The following ABLIM1 variants were observed in gnomAD, a reference collection of about 807,000 sequenced individuals.
The protein encoded by ABLIM1 is actin-binding LIM protein 1.
Under a neutral mutation model 107.0 loss-of-function variants are expected in ABLIM1, and 40 were observed. The ratio of observed to expected loss-of-function variants is 0.37; its 90% CI spans 0.29 to 0.49. The LOEUF (loss-of-function observed/expected upper bound fraction) is 0.49, where lower values mean the gene tolerates loss of function less well. Ranked by LOEUF, ABLIM1 falls within the 20% of genes least tolerant of loss-of-function variation. The probability of loss-of-function intolerance (pLI) is 0.97; values close to 1 mark genes in which losing one functional copy is unlikely to be tolerated. For synonymous variants in ABLIM1, 357 were observed against 357.3 expected, an observed-to-expected ratio of 1.00 and a Z score of 0.01; for missense variants, 857 against 1,008.5, an observed-to-expected ratio of 0.85 and a Z score of 2.04.
intron 4 of ABLIM1, among the ~76,000 whole-genome samples, chr10:114,554,404 T>C (rs1245670532): frequency 6.6e-6 from 1 of 152,202 alleles, no homozygotes; most frequent in Non-Finnish European, 1.5e-5. Flanking sequence ...TAATCTAAGA[T>C]ATCATCAGAC....
Position 114,453,287 on chromosome 10 carries a change from A to G in ABLIM1, c.1546+92T>C, listed in dbSNP as rs1029751333. ...GGTTTGTTAACTGTGCATCCCAATTAAAAGAGCATGAGAGATGAGACAAGA... is the reference window on the plus strand; with the variant it reads ...GGTTTGTTAACTGTGCATCCCAATTGAAAGAGCATGAGAGATGAGACAAGA... On this transcript the variant is annotated intron_variant, in intron 13 of 22. Transcript: ENST00000533213. The G allele has an allele frequency of 1.4e-5, 19 of 1,380,024 alleles. No individual in the cohort carries two copies. The African/African-American group carries it at 2.6e-4, about 19-fold the overall frequency. 85.5% of individuals were successfully genotyped at this position (1,380,024 alleles called of 1,614,324 possible).
chr10:114,516,447 T>G (rs1214425634), intron 6 of ABLIM1, among the ~76,000 whole-genome samples: 1 of 151,940 alleles, frequency 6.6e-6, no homozygotes, highest in Non-Finnish European at 1.5e-5. Context: ...CAGCTTGAAC[T>G]GGGGAGACAG....
At chr10:114,786,701 TG>T in the ABLIM1 span, among the ~76,000 whole-genome samples, 1 of 152,202 alleles carries the variant, frequency 6.6e-6, no homozygotes, top group South Asian at 2.1e-4. Context: ...GAAATCTGGT[TG>T]GCCAGGCTGG....
chr10:114,758,355 G>A (rs1303100454), intron 1 of ABLIM1, among the ~76,000 whole-genome samples: 1 of 152,070 alleles, frequency 6.6e-6, no homozygotes, highest in Non-Finnish European at 1.5e-5. Flanking sequence ...AAAATAAGTA[G>A]TCACAAGGAA....
intron 2 of ABLIM1, among the ~76,000 whole-genome samples, chr10:114,583,468 CATATATATATATATATATATATAT>C (rs140129654): frequency 0.01 from 158 of 15,072 alleles, 16 homozygotes; most frequent in Admixed American, 0.014. Flanking sequence ...CACACACACA[CATATATATATATATATATATATAT>C]ATATATATAT....
intron 1 of ABLIM1, among the ~76,000 whole-genome samples, chr10:114,644,720 T>C (rs2078938127): frequency 6.6e-6 from 1 of 152,172 alleles, no homozygotes; most frequent in Admixed American, 6.5e-5. Flanking sequence ...TTTTTACTCC[T>C]AAGAATCTGA....
rs144146814 is a variant in ABLIM1, at chr10:114,547,667, G to A, written c.783C>T (p.Thr261=). The change falls in exon 5 of 23, where the codon ACC becomes ACT. Residue 261 remains threonine (T), a synonymous_variant. Transcript: ENST00000533213. The part of the protein sequence containing the change: ...FKCKSCGKVL[T]GEYISKDGAP... ...AGCCTTACTTGCTGATGTACTCCCC[G>A]GTGAGGACCTTCCCGCAGGACTTGC... The A allele has an allele frequency of 5.0e-5, 80 of 1,613,628 alleles. No homozygotes were observed. Among genetic ancestry groups the A allele is most frequent in the African/African-American group, 1.6e-4 (12 of 74,934 alleles).
chr10:114,440,384 C>G (rs180850019), intron 19 of ABLIM1, among the ~76,000 whole-genome samples: 51 of 152,258 alleles, frequency 3.3e-4, no homozygotes, highest in African/African-American at 1.1e-3. Context: ...TCACACAGAC[C>G]TTCTTTCTGC....
At chr10:114,512,950 C>T (rs1462055678) in intron 6 of ABLIM1, among the ~76,000 whole-genome samples, 1 of 151,610 alleles carries the variant, frequency 6.6e-6, no homozygotes, top group Non-Finnish European at 1.5e-5. Flanking sequence ...GCAAGCAAGC[C>T]GAATTTTGCT....
intron 12 of ABLIM1, among the ~76,000 whole-genome samples, chr10:114,455,961 C>T (rs1413342295): frequency 6.6e-6 from 1 of 152,122 alleles, no homozygotes; most frequent in Admixed American, 6.5e-5. Flanking sequence ...TACAGGCGCC[C>T]GCCACCGCGC....
intron 6 of ABLIM1, among the ~76,000 whole-genome samples, chr10:114,495,998 A>C (rs1413712281): frequency 1.3e-5 from 2 of 152,238 alleles, no homozygotes; most frequent in East Asian, 3.8e-4. Flanking sequence ...GACACATTGC[A>C]CAAAGTAATA....
chr10:114,789,787 ATTTG>A, the ABLIM1 span, among the ~76,000 whole-genome samples: 2 of 141,904 alleles, frequency 1.4e-5, no homozygotes, highest in Non-Finnish European at 1.5e-5. Flanking sequence ...TTGCATGTAT[ATTTG>A]TTTTTTTTTT....
At position 114,441,030 on chromosome 10, in the gene ABLIM1, G is replaced by A. The variant is rs752793744; in HGVS notation, c.2046C>T (p.Ser682=). Residue 682 remains serine, a synonymous_variant, in exon 19 of 23, where the codon AGC becomes AGT. Coordinates refer to ENST00000533213, the MANE Select transcript of ABLIM1 (RefSeq NM_002313.7). ...TGGGAGCCTCACCTCGCACTCCCCC[G>A]CTGACATCCCCATAGCTGTTATACT... The part of the protein sequence containing the change: ...FAQYNSYGDV[S]GGVRDYQTLP... 10 of 1,590,030 alleles carry A rather than the reference G, an allele frequency of 6.3e-6. No individual in the cohort carries two copies. The highest frequency in any genetic ancestry group is 1.1e-5 in the South Asian group (1 of 87,100).
intron 1 of ABLIM1, among the ~76,000 whole-genome samples, chr10:114,645,981 A>G (rs1323735731): frequency 6.6e-6 from 1 of 152,218 alleles, no homozygotes; most frequent in Admixed American, 6.5e-5. Context: ...CAATTCAACC[A>G]AAGATTGTGC....
chr10:114,563,594 G>A (rs917748960), intron 4 of ABLIM1, among the ~76,000 whole-genome samples: 2 of 151,934 alleles, frequency 1.3e-5, no homozygotes, highest in African/African-American at 2.4e-5. Context: ...CAGCACTTTG[G>A]GAAGCTGAGG....
chr10:114,642,012 A>G (rs1170371019), intron 1 of ABLIM1, among the ~76,000 whole-genome samples: 1 of 152,048 alleles, frequency 6.6e-6, no homozygotes, highest in Non-Finnish European at 1.5e-5. Context: ...CCTCCCAAGT[A>G]GCTGGGACTA....
intron 1 of ABLIM1, chr10:114,613,738 A>AACATTCTAGAATGCTAC (rs1343154817): frequency 7.6e-7 from 1 of 1,309,474 alleles, no homozygotes; most frequent in South Asian, 1.2e-5. Context: ...TGCAATGTCA[A>AACATTCTAGAATGCTAC]ACATTCTAGA....
chr10:114,465,881 C>T (rs1035491865), intron 11 of ABLIM1, 54 bp from the exon 12 acceptor site: 21 of 1,582,002 alleles, frequency 1.3e-5, no homozygotes, highest in African/African-American at 6.7e-5. Context: ...GTAGGAACCA[C>T]GCTTCACAAA....
rs944191118 is a variant in ABLIM1 at position 114,632,064 on chromosome 10, T to C, written c.244+25893A>G. The C allele has an allele frequency of 1.6e-5, 19 of 1,198,146 alleles. No individual in the cohort carries two copies. In the African/African-American group the frequency reaches 2.5e-4, roughly 15 times the overall value. The allele number at this position is 1,198,146 out of a possible 1,614,324, so 74.2% of individuals were successfully genotyped here. A position where few individuals can be genotyped will look rare whatever the true frequency, so the allele number is the denominator to read the frequency against. ...CCGCTTGTGAGGTCCGGGGCTGTGGTCTCGAGTCCCGCCCCGCCTCGGCGG... is the reference window on the plus strand; with the variant it reads ...CCGCTTGTGAGGTCCGGGGCTGTGGCCTCGAGTCCCGCCCCGCCTCGGCGG... On this transcript the variant is annotated intron_variant, in intron 1 of 22. Coordinates refer to ENST00000533213, the MANE Select transcript of ABLIM1 (RefSeq NM_002313.7).
Sources: allele counts gnomAD v4.1 joint callset (sites outside exome capture counted in the v4.1 genomes callset), GRCh38; gene constraint gnomAD v4.1.1; transcripts MANE v1.5; gene names NCBI Gene and HGNC (gene_info 2026-07-23, HGNC 2026-07-21).